DAD1: variants seen among roughly 807,000 people sequenced by gnomAD.
DAD1 encodes the protein defender against cell death 1, also known as dolichyl-diphosphooligosaccharide--protein glycosyltransferase subunit DAD1.
DAD1 carries 4 observed loss-of-function variants against 9.0 expected under a neutral mutation model. The observed-to-expected ratio is 0.44, with a 90% CI of 0.22 to 1.01. The LOEUF (loss-of-function observed/expected upper bound fraction) is 1.01, where lower values mean the gene tolerates loss of function less well. DAD1 is among the 50% of genes least tolerant of loss of function. The pLI is 0.24. For synonymous variants in DAD1, 60 were observed against 62.5 expected (o/e 0.96, Z 0.19); for missense variants, 119 against 137.3 (o/e 0.87, Z 0.67).
At chr14:22,583,202 A>G (rs2037129669) in intron 1 of DAD1, among the ~76,000 whole-genome samples, 1 of 152,006 alleles carries the variant, frequency 6.6e-6, no homozygotes, top group Admixed American at 6.5e-5. Context: ...TAAAAATATA[A>G]AGGAGTAGTT....
intron 2 of DAD1, among the ~76,000 whole-genome samples, chr14:22,573,580 G>A (rs1461065251): frequency 6.6e-6 from 1 of 151,582 alleles, no homozygotes; most frequent in African/African-American, 2.4e-5. Flanking sequence ...CGTGGTGGCG[G>A]GCGCCTGTAG....
chr14:22,566,776 A>G (rs937247180), intron 2 of DAD1, among the ~76,000 whole-genome samples: 3 of 152,266 alleles, frequency 2.0e-5, no homozygotes, highest in African/African-American at 7.2e-5. Context: ...TAAAACATTT[A>G]AATCTAAGAT....
chr14:22,578,385 G>T (rs5742766), intron 1 of DAD1, among the ~76,000 whole-genome samples: 13,996 of 152,084 alleles, frequency 0.092, 1,181 homozygotes, highest in African/African-American at 0.22. Flanking sequence ...GCCAACATGG[G>T]GAAACCCCAT....
At chr14:22,586,225 A>C (rs902865257) in intron 1 of DAD1, among the ~76,000 whole-genome samples, 1 of 150,776 alleles carries the variant, frequency 6.6e-6, no homozygotes. Flanking sequence ...GCATCTTCAG[A>C]AGCTTTACTA....
At chr14:22,588,398 T>C (rs765562084) in intron 1 of DAD1, among the ~76,000 whole-genome samples, 5 of 152,194 alleles carry the variant, frequency 3.3e-5, no homozygotes, top group African/African-American at 4.8e-5. Flanking sequence ...AAAATAGAGT[T>C]ATGTGAACAA....
intron 1 of DAD1, among the ~76,000 whole-genome samples, chr14:22,577,819 A>T (rs1353495784): frequency 6.6e-6 from 1 of 152,052 alleles, no homozygotes; most frequent in Non-Finnish European, 1.5e-5. Flanking sequence ...ACTGAATTTC[A>T]GTTGCGGAAG....
chr14:22,568,793 G>A (rs1040851169), intron 2 of DAD1, among the ~76,000 whole-genome samples: 5 of 150,396 alleles, frequency 3.3e-5, no homozygotes, highest in African/African-American at 9.8e-5. Flanking sequence ...GACCTCCCAC[G>A]CTCAAGCAAT....
chr14:22,589,095 C>A lies in DAD1; in HGVS notation c.63G>T (p.Pro21=), dbSNP rs4736. ...ACGCGTCCAGCAACTTCAGACGCTG[C>A]GGAGTGGAGCTCAAGTACTCTTCTA... ...RFLEEYLSST[P]QRLKLLDAYL... is the part of the protein sequence containing the mutation. Residue 21 remains proline, a synonymous_variant, in exon 1 of 3, where the codon CCG becomes CCT. Coordinates refer to ENST00000250498, the MANE Select transcript of DAD1 (RefSeq NM_001344.4). 6.2e-7 allele frequency: 1 copy of A among 1,614,218 alleles called. No individual in the cohort carries two copies.
At chr14:22,569,071 T>C (rs868646968) in intron 2 of DAD1, among the ~76,000 whole-genome samples, 1 of 152,244 alleles carries the variant, frequency 6.6e-6, no homozygotes. Context: ...TTGGCTTTTT[T>C]TCTTTCGTAC....
At chr14:22,575,294 TG>T in intron 1 of DAD1, 61 bp from the exon 2 acceptor site, 3 of 1,575,062 alleles carry the variant, frequency 1.9e-6, no homozygotes, top group Non-Finnish European at 2.6e-6. Flanking sequence ...AATATGCTAA[TG>T]AACACAGACA....
chr14:22,578,385 G>C (rs5742766), intron 1 of DAD1, among the ~76,000 whole-genome samples: 1 of 151,998 alleles, frequency 6.6e-6, no homozygotes, highest in Non-Finnish European at 1.5e-5. Context: ...GCCAACATGG[G>C]GAAACCCCAT....
intron 1 of DAD1, among the ~76,000 whole-genome samples, chr14:22,584,507 G>A (rs2037139358): frequency 1.3e-5 from 2 of 151,962 alleles, no homozygotes; most frequent in African/African-American, 4.8e-5. Flanking sequence ...GAGCCAAGGA[G>A]TTTGAGGCCA....
intron 1 of DAD1, among the ~76,000 whole-genome samples, chr14:22,581,450 C>A (rs1419218512): frequency 2.0e-5 from 3 of 152,032 alleles, no homozygotes; most frequent in African/African-American, 7.2e-5. Flanking sequence ...GTTATAAACA[C>A]AAGGACAGAC....
In DAD1 at chr14:22,575,154, A is replaced by T. The variant is rs1272561001; in HGVS notation, c.291T>A (p.Phe97Leu). Reference protein sequence around the residue: ...GISPERAFADFLFASTILHLV... With the variant: ...GISPERAFADLLFASTILHLV... ...GGTGCAGGATGGTGCTGGCAAAGAG[A>T]AAATCAGCAAAGGCTCGCTCTGGGG... is the stretch of plus-strand genomic sequence containing the variant. The change falls in exon 2 of 3, where the codon TTT becomes TTA. Residue 97 changes from phenylalanine (F) to leucine (L), a missense_variant. Coordinates refer to ENST00000250498, the MANE Select transcript of DAD1 (RefSeq NM_001344.4). 6.2e-7 allele frequency: 1 copy of T among 1,614,094 alleles called. No individual in the cohort carries two copies. Among genetic ancestry groups the T allele is most frequent in the African/African-American group, 1.3e-5 (1 of 74,932 alleles).
Position 22,589,021 on chromosome 14 carries a change from A to G in DAD1, c.137T>C (p.Leu46Pro). 1 of 1,614,246 alleles carries G rather than the reference A, an allele frequency of 6.2e-7. No homozygotes were observed. Among genetic ancestry groups the G allele is most frequent in the Non-Finnish European group, 8.5e-7 (1 of 1,180,042 alleles). The change falls in exon 1 of 3, where the codon CTC (leucine) becomes CCC (proline). Residue 46 changes from leucine (L) to proline (P), a missense_variant. Physicochemically the swap from Leu to Pro is moderately conservative, Grantham distance 98 (BLOSUM62 -3). Transcript: ENST00000250498. Reference sequence around the variant, plus strand: ...GTTGAAGGGGAAGGTCCCCACGAGGAGACAGTAACCGAACTGCAGCGCCCC... The same window carrying G: ...GTTGAAGGGGAAGGTCCCCACGAGGGGACAGTAACCGAACTGCAGCGCCCC... ...LTGALQFGYC[L>P]LVGTFPFNSF...
intron 1 of DAD1, among the ~76,000 whole-genome samples, chr14:22,582,732 A>G (rs35449186): frequency 0.09 from 13,623 of 151,724 alleles, 1,114 homozygotes; most frequent in African/African-American, 0.21. Context: ...CCGGCCGGGC[A>G]TGGCGGCTCA....
intron 1 of DAD1, among the ~76,000 whole-genome samples, chr14:22,582,955 G>A (rs560404630): frequency 3.8e-4 from 56 of 145,648 alleles, no homozygotes; most frequent in Admixed American, 1.9e-3. Flanking sequence ...GCAGTGAGCC[G>A]AGATTGTGCC....
chr14:22,573,721 A>AAC (rs1408711338), intron 2 of DAD1, among the ~76,000 whole-genome samples: 1 of 125,932 alleles, frequency 7.9e-6, no homozygotes, highest in African/African-American at 4.0e-5. Flanking sequence ...AAAAAAAAAA[A>AAC]AAAAAAACAG....
At chr14:22,576,690 C>T (rs1295642884) in intron 1 of DAD1, among the ~76,000 whole-genome samples, 3 of 152,116 alleles carry the variant, frequency 2.0e-5, no homozygotes, top group East Asian at 1.9e-4. Flanking sequence ...AAGGCACCTA[C>T]GGAATGGGGA....
Sources: allele counts gnomAD v4.1 joint callset (sites outside exome capture counted in the v4.1 genomes callset), GRCh38; gene constraint gnomAD v4.1.1; transcripts MANE v1.5; gene names NCBI Gene and HGNC (gene_info 2026-07-23, HGNC 2026-07-21).